Variants in KTN1 observed in about 807,000 individuals in gnomAD.
The protein encoded by KTN1 is kinectin.
Under a neutral mutation model 222.5 loss-of-function variants are expected in KTN1, and 130 were observed. The observed-to-expected ratio is 0.58, with a 90% CI of 0.51 to 0.68. The LOEUF (loss-of-function observed/expected upper bound fraction) is 0.68. KTN1 is among the 30% of genes least tolerant of loss of function. The pLI, the probability that KTN1 is intolerant of heterozygous loss-of-function variation, is 0.00. For missense variants in KTN1, 1,508 were observed against 1,500.4 expected, an observed-to-expected ratio of 1.01 and a Z score of -0.08; for synonymous variants, 512 against 496.3, an observed-to-expected ratio of 1.03 and a Z score of -0.42.
At chr14:55,649,396 G>A (rs2042712766) in intron 21 of KTN1, among the ~76,000 whole-genome samples, 1 of 152,148 alleles carries the variant, frequency 6.6e-6, no homozygotes, top group Admixed American at 6.5e-5. Flanking sequence ...TCCAGATAGG[G>A]TGCCATTGCC....
chr14:55,671,694 T>C, intron 36 of KTN1, 39 bp downstream of exon 36: 1 of 1,546,376 alleles, frequency 6.5e-7, no homozygotes, highest in Non-Finnish European at 8.9e-7. Context: ...GATTTTACTT[T>C]AAATCATTAC....
intron 7 of KTN1, among the ~76,000 whole-genome samples, chr14:55,631,178 G>C (rs2040463354): frequency 6.6e-6 from 1 of 151,410 alleles, no homozygotes; most frequent in Admixed American, 6.6e-5. Flanking sequence ...TATGGCTTGA[G>C]TCTGCTTGCT....
intron 9 of KTN1, among the ~76,000 whole-genome samples, chr14:55,635,856 G>A (rs973519418): frequency 6.6e-6 from 1 of 152,112 alleles, no homozygotes; most frequent in Non-Finnish European, 1.5e-5. Context: ...AATTGAGTAT[G>A]GAAAATAGTG....
At position 55,619,257 on chromosome 14, in the gene KTN1, G is replaced by A; in HGVS notation, c.908G>A (p.Cys303Tyr). The A allele has an allele frequency of 1.9e-6, 3 of 1,612,792 alleles. No homozygotes were observed. Among genetic ancestry groups the A allele is most frequent in the Non-Finnish European group, 2.5e-6 (3 of 1,178,986 alleles). ...ATGTTTTCTGAAGATGAGGCTCTTT[G>A]TGTTGTAGACTTGCTAAAGGAGAAG... ...TMMFSEDEAL[C>Y]VVDLLKEKSG... The change falls in exon 5 of 44, where the codon TGT (cysteine) becomes TAT (tyrosine). Residue 303 changes from cysteine (C) to tyrosine (Y), a missense_variant. Transcript: ENST00000395314.
In KTN1 at chr14:55,652,859, A is replaced by C; in HGVS notation, c.2613A>C (p.Gly871=). 1 of 1,597,364 alleles carries C rather than the reference A, an allele frequency of 6.3e-7. No individual in the cohort carries two copies. Among genetic ancestry groups the C allele is most frequent in the Admixed American group, 1.7e-5 (1 of 57,512 alleles). ...KVQELQNLLK[G]KEEQMNTMKA... The stretch of plus-strand genomic sequence containing the variant: ...ATTAATTTATTATCAGATTAAAAGG[A>C]AAAGAGGAACAGATGAATACCATGA... The change falls in exon 26 of 44, where the codon GGA becomes GGC. Residue 871 remains glycine (G), a synonymous_variant. Transcript: ENST00000395314.
At chr14:55,638,053 G>A (rs1334455033) in intron 12 of KTN1, among the ~76,000 whole-genome samples, 1 of 151,896 alleles carries the variant, frequency 6.6e-6, no homozygotes. Flanking sequence ...CCAACTAATT[G>A]GATGAGGGGA....
chr14:55,621,846 CT>C (rs10618434), intron 5 of KTN1, among the ~76,000 whole-genome samples: 30,048 of 124,146 alleles, frequency 0.24, 3,927 homozygotes, highest in African/African-American at 0.46. Flanking sequence ...ATTTATATTA[CT>C]TTTTTTTTTT....
At chr14:55,678,141 G>A (rs372111555) in intron 41 of KTN1, among the ~76,000 whole-genome samples, 3 of 152,170 alleles carry the variant, frequency 2.0e-5, no homozygotes, top group East Asian at 1.9e-4. Flanking sequence ...AAATTTCTTT[G>A]TATAGTTTCT....
intron 28 of KTN1, among the ~76,000 whole-genome samples, chr14:55,655,203 TCCTGGG>T (rs1188162360): frequency 3.9e-5 from 6 of 152,182 alleles, no homozygotes; most frequent in Admixed American, 3.9e-4. Flanking sequence ...GGTCTTGATC[TCCTGGG>T]CTTGAGTGAT....
At chr14:55,673,372 T>G (rs553066883) in intron 40 of KTN1, 117 bp downstream of exon 40, 25 of 617,306 alleles carry the variant, frequency 4.0e-5, no homozygotes, top group South Asian at 6.8e-5. Flanking sequence ...GGCCTTTTTG[T>G]AAGTCTAAGA....
chr14:55,580,672 C>G (rs866757951), intron 1 of KTN1, among the ~76,000 whole-genome samples: 2 of 151,998 alleles, frequency 1.3e-5, no homozygotes, highest in Non-Finnish European at 2.9e-5. Flanking sequence ...TCCCCAAGGA[C>G]GACTCTCCCG....
chr14:55,628,063 C>A, intron 6 of KTN1, 35 bp downstream of exon 6: 1 of 1,239,852 alleles, frequency 8.1e-7, no homozygotes, highest in Non-Finnish European at 1.2e-6. Context: ...GATATACTTC[C>A]CAAATCAGAA....
intron 25 of KTN1, among the ~76,000 whole-genome samples, 173 bp from the exon 26 acceptor site, chr14:55,652,677 G>A (rs1033064469): frequency 2.0e-5 from 3 of 152,204 alleles, no homozygotes; most frequent in Admixed American, 6.5e-5. Flanking sequence ...GGGATTACAG[G>A]CGTGAGCCAC....
intron 1 of KTN1, among the ~76,000 whole-genome samples, chr14:55,589,239 T>C (rs1382911463): frequency 6.6e-6 from 1 of 152,200 alleles, no homozygotes; most frequent in African/African-American, 2.4e-5. Flanking sequence ...CAGTGTTATG[T>C]AACCTTCATT....
chr14:55,602,136 C>T (rs78820104), intron 1 of KTN1, among the ~76,000 whole-genome samples: 11,695 of 152,236 alleles, frequency 0.077, 498 homozygotes, highest in South Asian at 0.12. Context: ...TAACTTAGAG[C>T]AAACTAAATT....
intron 5 of KTN1, among the ~76,000 whole-genome samples, chr14:55,622,285 G>A (rs1034763825): frequency 2.6e-5 from 4 of 152,132 alleles, no homozygotes; most frequent in East Asian, 1.9e-4. Context: ...AGATCACACC[G>A]TTCAAAGAAC....
chr14:55,678,342 T>A lies in KTN1; in HGVS notation c.3856-10T>A. ...ATTACTTAGTAGCTACCATATTGTTTTCCTTATAGGCTCAACAGTCACTGG... is the reference window on the plus strand; with the variant it reads ...ATTACTTAGTAGCTACCATATTGTTATCCTTATAGGCTCAACAGTCACTGG... On this transcript the variant is annotated splice_polypyrimidine_tract_variant and intron_variant, in intron 41 of 43. Transcript: ENST00000395314. The A allele has an allele frequency of 6.5e-7, 1 of 1,548,788 alleles. No homozygotes were observed. The highest frequency in any genetic ancestry group is 8.9e-7 in the Non-Finnish European group (1 of 1,120,850).
At chr14:55,665,475 T>A (rs1595219617) in intron 33 of KTN1, among the ~76,000 whole-genome samples, 1 of 152,088 alleles carries the variant, frequency 6.6e-6, no homozygotes, top group Non-Finnish European at 1.5e-5. Context: ...CTTCTATATT[T>A]CAATGGAATT....
chr14:55,675,878 A>C lies in KTN1; in HGVS notation c.3815A>C (p.Glu1272Ala), dbSNP rs1186985562. The C allele has an allele frequency of 1.2e-6, 2 of 1,613,432 alleles. No homozygotes were observed. The highest frequency in any genetic ancestry group is 1.3e-5 in the African/African-American group (1 of 74,924). Residue 1272 changes from glutamate (E) to alanine (A), a missense_variant, in exon 41 of 44, where the codon GAA becomes GCA. Transcript: ENST00000395314. Reference protein sequence around the residue: ...LNETLTKLRTEQNERQKVAGD... With the variant: ...LNETLTKLRTAQNERQKVAGD... ...GAAACACTCACAAAACTTAGAACTG[A>C]ACAAAATGAAAGACAGAAGGTAGCT...
Sources: gnomAD v4.1 joint callset for allele counts (sites outside exome capture counted in the v4.1 genomes callset) on GRCh38, gnomAD v4.1.1 for gene constraint, MANE v1.5 for transcripts, NCBI Gene and HGNC (gene_info 2026-07-23, HGNC 2026-07-21) for gene names.